FRMD4A: variants seen among roughly 807,000 people sequenced by gnomAD.
FRMD4A encodes FERM domain-containing protein 4A.
In FRMD4A, 29 loss-of-function variants were observed where a neutral mutation model predicts 129.1. The observed-to-expected ratio is 0.22, with a 90% CI of 0.17 to 0.31. The LOEUF (loss-of-function observed/expected upper bound fraction) is 0.31. Among genes scored for constraint, FRMD4A ranks in the 10% least tolerant of loss-of-function variants. The pLI is 1.00. For missense variants in FRMD4A, 1,272 were observed against 1,375.8 expected (o/e 0.92, Z 1.19); for synonymous variants, 634 against 571.6 (o/e 1.11, Z -1.56).
At position 13,722,884 on chromosome 10, in the gene FRMD4A, ACCATGCTGGTTAGCTAGGTCT is replaced by A. The variant is rs200658742; in HGVS notation, c.759+14939_759+14959del. ...GGTCCCTATGTTGGTTAGCTAGGTC[ACCATGCTGGTTAGCTAGGTCT>A]CCATGCTGGTTAGCTAGGCTTTTAT... is the stretch of plus-strand genomic sequence containing the variant. On this transcript the variant is annotated intron_variant, in intron 12 of 24. Transcript: ENST00000357447. 9.9e-5 allele frequency among the ~76,000 whole-genome samples: 15 copies of A among 151,816 alleles called. No individual in the cohort carries two copies. In the East Asian group the frequency reaches 2.7e-3, roughly 28 times the overall value.
chr10:14,224,739 T>A (rs1258131734), intron 2 of FRMD4A, among the ~76,000 whole-genome samples: 1 of 152,124 alleles, frequency 6.6e-6, no homozygotes, highest in Non-Finnish European at 1.5e-5. Flanking sequence ...TTGGAGCGTA[T>A]GAATTTTGAT....
rs75603360 is a variant in FRMD4A, at chr10:14,221,588, C to T, written c.45+108470G>A. ...TGACTATATCTGTACTTCTTAATCT[C>T]TTGCTCTGTTGCCCAGGCTGGAGTA... is the stretch of plus-strand genomic sequence containing the variant. On this transcript the variant is annotated intron_variant, in intron 2 of 24. Transcript: ENST00000357447. Among the ~76,000 whole-genome samples the T allele has an allele frequency of 3.5e-3, 527 of 152,296 alleles. 3 individuals are homozygous for T. The highest frequency in any genetic ancestry group is 0.012 in the African/African-American group (478 of 41,546).
chr10:14,239,718 A>C (rs1843972526), intron 2 of FRMD4A, among the ~76,000 whole-genome samples: 1 of 152,242 alleles, frequency 6.6e-6, no homozygotes, highest in Middle Eastern at 3.2e-3. Context: ...GTAACTACTG[A>C]AACTACCTGA....
At chr10:13,877,493 G>A (rs933612714) in intron 2 of FRMD4A, among the ~76,000 whole-genome samples, 1 of 152,150 alleles carries the variant, frequency 6.6e-6, no homozygotes, top group Non-Finnish European at 1.5e-5. Flanking sequence ...AGTCCTACAC[G>A]GAGGTCCCAG....
intron 2 of FRMD4A, among the ~76,000 whole-genome samples, chr10:13,873,965 G>C (rs2094464598): frequency 6.6e-6 from 1 of 151,936 alleles, no homozygotes; most frequent in South Asian, 2.1e-4. Flanking sequence ...AGTAGATGCT[G>C]GTTGGGTGTG....
chr10:13,799,358 G>C (rs911799277), intron 4 of FRMD4A, among the ~76,000 whole-genome samples: 1 of 152,090 alleles, frequency 6.6e-6, no homozygotes, highest in African/African-American at 2.4e-5. Context: ...GGGTTTCACC[G>C]TGTTGCCCAG....
chr10:14,112,192 A>G (rs1423020203), intron 2 of FRMD4A, among the ~76,000 whole-genome samples: 1 of 152,188 alleles, frequency 6.6e-6, no homozygotes, highest in Non-Finnish European at 1.5e-5. Flanking sequence ...GGGGCCAGCC[A>G]TGGAATGTGG....
chr10:14,201,034 A>G (rs74122398), intron 2 of FRMD4A, among the ~76,000 whole-genome samples: 204 of 152,206 alleles, frequency 1.3e-3, no homozygotes, highest in African/African-American at 4.8e-3. Context: ...GCTTCATCCT[A>G]CTTCCTTGGA....
At chr10:13,707,182 T>C (rs1403416154) in intron 12 of FRMD4A, 69 bp from the exon 13 acceptor site, 80 of 974,692 alleles carry the variant, frequency 8.2e-5, no homozygotes, top group Non-Finnish European at 1.7e-6. Flanking sequence ...CCCTCTCTGC[T>C]GGTTAACTTT....
chr10:14,186,091 AG>A (rs1842137302), intron 2 of FRMD4A, among the ~76,000 whole-genome samples: 1 of 152,136 alleles, frequency 6.6e-6, no homozygotes, highest in African/African-American at 2.4e-5. Flanking sequence ...AAAGAGACAA[AG>A]ACACCAATGA....
chr10:14,068,741 T>C (rs1341316177), intron 2 of FRMD4A, among the ~76,000 whole-genome samples: 1 of 152,206 alleles, frequency 6.6e-6, no homozygotes, highest in African/African-American at 2.4e-5. Flanking sequence ...GATATTCACA[T>C]ATTAAGACAC....
intron 2 of FRMD4A, chr10:14,326,589 T>A (rs1328967639): frequency 1.9e-5 from 7 of 365,784 alleles, no homozygotes; most frequent in Non-Finnish European, 2.9e-5. Flanking sequence ...CATTAAAAAC[T>A]ATTTTAATCT....
chr10:14,321,933 G>A (rs1843073317), intron 2 of FRMD4A, among the ~76,000 whole-genome samples: 1 of 152,120 alleles, frequency 6.6e-6, no homozygotes. Flanking sequence ...TTGTTTCAAA[G>A]TGTGTAGCAC....
intron 6 of FRMD4A, among the ~76,000 whole-genome samples, chr10:13,763,022 A>G (rs765265849): frequency 6.6e-5 from 10 of 152,132 alleles, no homozygotes; most frequent in Non-Finnish European, 1.3e-4. Flanking sequence ...TTTCTGAGGA[A>G]TTGCTCAGAA....
At chr10:13,712,047 A>G (rs1177577149) in intron 12 of FRMD4A, 1 of 152,280 alleles carries the variant, frequency 6.6e-6, no homozygotes, top group Non-Finnish European at 1.5e-5. Flanking sequence ...AATCTTTTTC[A>G]TCCTGCACCA....
chr10:13,990,150 G>C (rs2095598259), intron 2 of FRMD4A, among the ~76,000 whole-genome samples: 1 of 152,208 alleles, frequency 6.6e-6, no homozygotes, highest in South Asian at 2.1e-4. Context: ...AGTGGGGTTA[G>C]GAATAAGAGC....
intron 2 of FRMD4A, among the ~76,000 whole-genome samples, chr10:14,314,186 C>A (rs1045687752): frequency 6.6e-6 from 1 of 152,154 alleles, no homozygotes; most frequent in South Asian, 2.1e-4. Context: ...GACACTGGCA[C>A]TTCCACAGGA....
chr10:14,146,897 C>T (rs998212220), intron 2 of FRMD4A, among the ~76,000 whole-genome samples: 4 of 152,218 alleles, frequency 2.6e-5, no homozygotes, highest in Non-Finnish European at 5.9e-5. Flanking sequence ...AGAGCAATAA[C>T]TAAATGTAAT....
intron 2 of FRMD4A, among the ~76,000 whole-genome samples, chr10:14,190,215 T>A (rs140068537): frequency 2.9e-4 from 44 of 152,320 alleles, no homozygotes; most frequent in African/African-American, 1.0e-3. Context: ...TTGTTGCTCA[T>A]CCTGAAGTGA....
Sources: gnomAD v4.1 joint callset for allele counts (sites outside exome capture counted in the v4.1 genomes callset) on GRCh38, gnomAD v4.1.1 for gene constraint, MANE v1.5 for transcripts, NCBI Gene and HGNC (gene_info 2026-07-23, HGNC 2026-07-21) for gene names.